The following MAPKAP1 variants were observed in gnomAD, a reference collection of about 807,000 sequenced individuals.
The protein encoded by MAPKAP1 is target of rapamycin complex 2 subunit MAPKAP1.
Under a neutral mutation model 65.7 loss-of-function variants are expected in MAPKAP1, and 20 were observed. The ratio of observed to expected loss-of-function variants is 0.30; its 90% confidence interval spans 0.21 to 0.44. MAPKAP1 has a LOEUF of 0.44. Ranked by LOEUF, MAPKAP1 falls within the 20% of genes least tolerant of loss-of-function variation. The pLI, the probability that MAPKAP1 is intolerant of heterozygous loss-of-function variation, is 1.00. For missense variants in MAPKAP1, 423 were observed against 648.0 expected, an observed-to-expected ratio of 0.65 and a Z score of 3.77; for synonymous variants, 222 against 244.3, an observed-to-expected ratio of 0.91 and a Z score of 0.85.
At chr9:125,576,640 T>G (rs996506766) in intron 5 of MAPKAP1, among the ~76,000 whole-genome samples, 3 of 152,240 alleles carry the variant, frequency 2.0e-5, no homozygotes, top group African/African-American at 7.2e-5. Flanking sequence ...TGCCTCAGCC[T>G]GCAGAGTGCC....
rs181920155 is a variant in MAPKAP1 at position 125,447,802 on chromosome 9, G to A, written c.1346-3204C>T. ...GCCACTAGGGACAGTTTCTTGGGAG[G>A]AGCTGACACCTCCGCAGTTTTGGAG... On this transcript the variant is annotated intron_variant, in intron 10 of 11. Coordinates refer to ENST00000265960, the MANE Select transcript of MAPKAP1 (RefSeq NM_001006617.3). The surrounding 1 kb of genome is among the most constrained non-coding windows in gnomAD (Gnocchi z 4.5). 2.6e-5 allele frequency among the ~76,000 whole-genome samples: 4 copies of A among 152,214 alleles called. No individual in the cohort carries two copies. The highest frequency in any genetic ancestry group is 6.5e-5 in the Admixed American group (1 of 15,286).
At chr9:125,640,759 A>C (rs1005257000) in intron 4 of MAPKAP1, among the ~76,000 whole-genome samples, 2 of 152,244 alleles carry the variant, frequency 1.3e-5, no homozygotes, top group East Asian at 3.8e-4. Flanking sequence ...GTGACATGGT[A>C]AGTAACAGAA....
intron 1 of MAPKAP1, among the ~76,000 whole-genome samples, chr9:125,688,796 A>G (rs146352477): frequency 7.2e-5 from 11 of 152,308 alleles, no homozygotes; most frequent in Admixed American, 1.3e-4. Flanking sequence ...AGATTCTATT[A>G]TTCTTCATGT....
At chr9:125,676,835 G>C (rs1414055537) in intron 1 of MAPKAP1, among the ~76,000 whole-genome samples, 1 of 151,862 alleles carries the variant, frequency 6.6e-6, no homozygotes, top group Admixed American at 6.6e-5. Flanking sequence ...AAAAAGTCTA[G>C]GAAACACCAG....
At chr9:125,668,351 G>A (rs923252126) in intron 3 of MAPKAP1, among the ~76,000 whole-genome samples, 4 of 152,204 alleles carry the variant, frequency 2.6e-5, no homozygotes, top group African/African-American at 9.7e-5. Flanking sequence ...CAAGATCACT[G>A]CAATAGAGGT....
intron 7 of MAPKAP1, among the ~76,000 whole-genome samples, chr9:125,525,672 T>C (rs563106054): frequency 5.4e-5 from 7 of 129,840 alleles, no homozygotes; most frequent in Non-Finnish European, 1.2e-4. Flanking sequence ...AAACTCCATC[T>C]CAAACAAAAC....
At chr9:125,623,117 G>C (rs1336629060) in intron 4 of MAPKAP1, among the ~76,000 whole-genome samples, 2 of 147,816 alleles carry the variant, frequency 1.4e-5, no homozygotes, top group Non-Finnish European at 3.0e-5. Context: ...GCCCAGGCTG[G>C]AGTGCAGTGG....
intron 3 of MAPKAP1, among the ~76,000 whole-genome samples, chr9:125,667,263 AACTT>A (rs1834365339): frequency 6.6e-6 from 1 of 152,210 alleles, no homozygotes; most frequent in African/African-American, 2.4e-5. Context: ...TAAGCTGAAG[AACTT>A]ACTTCTCACA....
chr9:125,664,496 G>A lies in MAPKAP1; in HGVS notation c.349+5322C>T, dbSNP rs540392851. 1.1e-4 allele frequency among the ~76,000 whole-genome samples: 16 copies of A among 151,440 alleles called. No individual in the cohort carries two copies. The South Asian group carries it at 1.9e-3, about 18-fold the overall frequency. On this transcript the variant is annotated intron_variant, in intron 3 of 11. Coordinates refer to ENST00000265960, the MANE Select transcript of MAPKAP1 (RefSeq NM_001006617.3). ...TCCCAGCACTTTAGGAGGCCGAGGC[G>A]AGAAGATCACTTGAGGTCAGGAGTT...
intron 10 of MAPKAP1, among the ~76,000 whole-genome samples, chr9:125,445,721 A>G (rs1852688104): frequency 6.6e-6 from 1 of 152,272 alleles, no homozygotes; most frequent in Non-Finnish European, 1.5e-5. Context: ...TGGGACTCCC[A>G]GGCTCAGGCC....
At chr9:125,636,367 T>C (rs1833423518) in intron 4 of MAPKAP1, among the ~76,000 whole-genome samples, 1 of 152,070 alleles carries the variant, frequency 6.6e-6, no homozygotes, top group South Asian at 2.1e-4. Flanking sequence ...CACTAGGAAG[T>C]ACTGGTTTGA....
chr9:125,706,730 C>G (rs982887061), intron 1 of MAPKAP1, among the ~76,000 whole-genome samples: 1 of 152,070 alleles, frequency 6.6e-6, no homozygotes, highest in African/African-American at 2.4e-5. Flanking sequence ...CTACACCCCC[C>G]ACCCCCACAC....
chr9:125,592,250 G>A (rs565248495), intron 4 of MAPKAP1, among the ~76,000 whole-genome samples: 20 of 152,310 alleles, frequency 1.3e-4, no homozygotes, highest in South Asian at 6.2e-4. Context: ...GCTAAAGGGG[G>A]CTAGTGAAGG....
At chr9:125,529,311 GCTCT>G (rs1829868614) in intron 7 of MAPKAP1, among the ~76,000 whole-genome samples, 1 of 151,886 alleles carries the variant, frequency 6.6e-6, no homozygotes, top group Admixed American at 6.6e-5. Flanking sequence ...TAGAATGTTA[GCTCT>G]CTGAGTTCAC....
chr9:125,687,648 G>A (rs1019315584), intron 1 of MAPKAP1, among the ~76,000 whole-genome samples: 60 of 151,634 alleles, frequency 4.0e-4, no homozygotes, highest in African/African-American at 1.4e-3. Flanking sequence ...AACCAGGCAT[G>A]GGGGCACATG....
chr9:125,537,986 T>C (rs1408825936), intron 7 of MAPKAP1, among the ~76,000 whole-genome samples: 2 of 152,110 alleles, frequency 1.3e-5, no homozygotes, highest in Non-Finnish European at 2.9e-5. Flanking sequence ...CTGATCTGTA[T>C]CCCTCTGTCA....
In MAPKAP1 at chr9:125,595,865, G is replaced by A. The variant is rs1832110014; in HGVS notation, c.499-10138C>T. On this transcript the variant is annotated intron_variant, in intron 4 of 11. Coordinates refer to ENST00000265960, the MANE Select transcript of MAPKAP1 (RefSeq NM_001006617.3). This position sits in a 1 kb window ranked among gnomAD's most constrained non-coding sequence, Gnocchi z 4.0. The stretch of plus-strand genomic sequence containing the variant: ...GTTTGTCACCTATGCCACTGTGGAG[G>A]AGGTGGATGCAGCCATGAATGCAAG... The A allele has an allele frequency of 8.8e-7, 1 of 1,132,274 alleles. No individual in the cohort carries two copies. The highest frequency in any genetic ancestry group is 1.7e-5 in the Admixed American group (1 of 59,454). 70.1% of individuals were successfully genotyped at this position (1,132,274 alleles called of 1,614,324 possible).
At position 125,439,592 on chromosome 9, in the gene MAPKAP1, G is replaced by C. The variant is rs563699335; in HGVS notation, c.1444-580C>G. Among the ~76,000 whole-genome samples the C allele has an allele frequency of 3.3e-5, 5 of 152,320 alleles. No homozygotes were observed. The South Asian group carries it at 6.2e-4, about 19-fold the overall frequency. On this transcript the variant is annotated intron_variant, in intron 11 of 11. Coordinates refer to ENST00000265960, the MANE Select transcript of MAPKAP1 (RefSeq NM_001006617.3). This position sits in a 1 kb window ranked among gnomAD's most constrained non-coding sequence, Gnocchi z 4.0. ...GGGAGGCCAAAGTGGCCTAGGCCAC[G>C]TGGAAGTCAGGGTGAGAGCTGTGAG...
chr9:125,651,447 A>G (rs1034500389), intron 4 of MAPKAP1, among the ~76,000 whole-genome samples: 22 of 152,066 alleles, frequency 1.4e-4, no homozygotes. Flanking sequence ...TCTATTAAAA[A>G]TTCAAAAATT....
Sources: allele counts gnomAD v4.1 joint callset (sites outside exome capture counted in the v4.1 genomes callset), GRCh38; gene constraint gnomAD v4.1.1; non-coding constraint Gnocchi (gnomAD v3.1); transcripts MANE v1.5; gene names NCBI Gene and HGNC (gene_info 2026-07-23, HGNC 2026-07-21).